GOLGA3: variants seen among roughly 807,000 people sequenced by gnomAD.
GOLGA3 encodes golgin subfamily A member 3.
Under a neutral mutation model 169.4 loss-of-function variants are expected in GOLGA3, and 75 were observed. That is an observed-to-expected ratio of 0.44 (90% CI 0.37 to 0.54). The LOEUF is 0.54. Ranked by LOEUF, GOLGA3 falls within the 20% of genes least tolerant of loss-of-function variation. GOLGA3 has a pLI of 0.00. For missense variants in GOLGA3, 1,899 were observed against 1,930.0 expected (o/e 0.98, Z 0.30); for synonymous variants, 824 against 822.4 (o/e 1.00, Z -0.03).
intron 10 of GOLGA3, 91 bp downstream of exon 10, chr12:132,796,448 G>A (rs1211691151): frequency 2.5e-5 from 35 of 1,420,342 alleles, no homozygotes; most frequent in Non-Finnish European, 3.1e-5. Context: ...TGGCCCCACA[G>A]CAGAGGACTG....
At position 132,770,774 on chromosome 12, in the gene GOLGA3, A is replaced by G. The variant is rs927601822; in HGVS notation, c.*2331T>C. On this transcript the variant is annotated 3_prime_UTR_variant, in exon 24 of 24. Coordinates refer to ENST00000450791, the MANE Select transcript of GOLGA3 (RefSeq NM_001389683.1). The stretch of plus-strand genomic sequence containing the variant: ...CTCAGCCTCCCAAGTAGCTGGGATT[A>G]TAGGTGCGCACTACGACACCCGGCT... 6.6e-6 allele frequency: 1 copy of G among 152,220 alleles called. No individual in the cohort carries two copies. Among genetic ancestry groups the G allele is most frequent in the South Asian group, 2.1e-4 (1 of 4,830 alleles). 9.4% of individuals were successfully genotyped at this position (152,220 alleles called of 1,614,324 possible). A position where few individuals can be genotyped will look rare whatever the true frequency, so the allele number is the denominator to read the frequency against.
At chr12:132,823,227 A>C (rs1043792567) in intron 1 of GOLGA3, among the ~76,000 whole-genome samples, 1 of 152,224 alleles carries the variant, frequency 6.6e-6, no homozygotes, top group Non-Finnish European at 1.5e-5. Flanking sequence ...GCCGGGCTAC[A>C]TTCAGGGGAG....
At chr12:132,774,613 C>T (rs906517293) in intron 22 of GOLGA3, 3 of 481,698 alleles carry the variant, frequency 6.2e-6, no homozygotes, top group African/African-American at 6.0e-5. Context: ...CTCCCAGACG[C>T]TTCTCCCATC....
chr12:132,794,521 C>T (rs777453428), intron 11 of GOLGA3, among the ~76,000 whole-genome samples: 62 of 152,158 alleles, frequency 4.1e-4, no homozygotes, highest in Non-Finnish European at 2.9e-5. Context: ...CTGCTACCAC[C>T]ACCTTCATCT....
At chr12:132,786,618 T>G (rs370057545) in intron 14 of GOLGA3, 63 bp from the exon 15 acceptor site, 17 of 1,589,934 alleles carry the variant, frequency 1.1e-5, no homozygotes, top group Non-Finnish European at 1.1e-5. Context: ...CGTCTGGCAT[T>G]CTGGTTCGCC....
intron 14 of GOLGA3, 66 bp from the exon 15 acceptor site, chr12:132,786,621 G>C: frequency 6.3e-7 from 1 of 1,581,098 alleles, no homozygotes; most frequent in Non-Finnish European, 8.7e-7. Context: ...CTGGCATTCT[G>C]GTTCGCCTCC....
intron 2 of GOLGA3, among the ~76,000 whole-genome samples, chr12:132,818,911 C>A (rs902039428): frequency 2.0e-5 from 3 of 152,250 alleles, no homozygotes; most frequent in African/African-American, 7.2e-5. Context: ...TACCTCAGTT[C>A]ACCCACTAAA....
At chr12:132,817,012 C>A (rs375364808) in intron 2 of GOLGA3, among the ~76,000 whole-genome samples, 200 bp from the exon 3 acceptor site, 1 of 152,094 alleles carries the variant, frequency 6.6e-6, no homozygotes, top group Non-Finnish European at 1.5e-5. Context: ...AGGCCCACAG[C>A]CCCTCTGGTG....
At chr12:132,814,188 C>T (rs1044147659) in intron 3 of GOLGA3, among the ~76,000 whole-genome samples, 4 of 151,724 alleles carry the variant, frequency 2.6e-5, no homozygotes, top group South Asian at 2.1e-4. Context: ...CGACCCCTGA[C>T]GACTTTGGTA....
chr12:132,796,509 G>A (rs757173010), intron 10 of GOLGA3, 30 bp downstream of exon 10: 2 of 1,593,574 alleles, frequency 1.3e-6, no homozygotes, highest in Non-Finnish European at 1.7e-6. Context: ...CTGGGGCCTG[G>A]GTCCAGCCTG....
chr12:132,778,653 T>C (rs2045378496), intron 18 of GOLGA3, among the ~76,000 whole-genome samples: 1 of 151,470 alleles, frequency 6.6e-6, no homozygotes, highest in Non-Finnish European at 1.5e-5. Context: ...ATAAAATTAA[T>C]TGGAAGGCCA....
In GOLGA3 at chr12:132,791,253, T is replaced by G; in HGVS notation, c.2510A>C (p.Gln837Pro). ...AAACTGTTCCTTTATTTTTTGCATT[T>G]GCTTTTTCAGAGCAGCAGTCTCCTG... ...LQQETAALKK[Q>P]MQKIKEQFLQ... is the part of the protein sequence containing the mutation. The change falls in exon 12 of 24, where the codon CAA becomes CCA. Residue 837 changes from glutamine (Q) to proline (P), a missense_variant. By Grantham distance (76) the Gln-to-Pro change is moderately conservative (BLOSUM62 -1). Coordinates refer to ENST00000450791, the MANE Select transcript of GOLGA3 (RefSeq NM_001389683.1). 2 of 1,609,798 alleles carry G rather than the reference T, an allele frequency of 1.2e-6. No individual in the cohort carries two copies. Among genetic ancestry groups the G allele is most frequent in the Non-Finnish European group, 1.7e-6 (2 of 1,176,880 alleles).
Position 132,823,425 on chromosome 12 carries a change from T to G in GOLGA3, c.-183-1114A>C, listed in dbSNP as rs188094546. ...TACATTATGTTCTGTGTTTAACATT[T>G]TTCATGAGAAACATTACACAACCTT... On this transcript the variant is annotated intron_variant, in intron 1 of 23. Transcript: ENST00000450791. Among the ~76,000 whole-genome samples the G allele has an allele frequency of 1.5e-4, 23 of 152,364 alleles. 1 individual carries two copies. The East Asian group carries it at 4.4e-3, about 29-fold the overall frequency.
At chr12:132,786,642 C>T in intron 14 of GOLGA3, 51 bp downstream of exon 14, 1 of 1,062,378 alleles carries the variant, frequency 9.4e-7, no homozygotes, top group Non-Finnish European at 1.3e-6. Flanking sequence ...CCCCCGGCCC[C>T]CGCACCTCCC....
intron 17 of GOLGA3, among the ~76,000 whole-genome samples, chr12:132,781,322 G>A (rs560591675): frequency 6.6e-6 from 1 of 152,164 alleles, no homozygotes; most frequent in East Asian, 1.9e-4. Context: ...AGCACTTTGG[G>A]AGGCCGAGGC....
chr12:132,787,448 C>A (rs1270288560), intron 13 of GOLGA3, among the ~76,000 whole-genome samples: 1 of 149,078 alleles, frequency 6.7e-6, no homozygotes, highest in Non-Finnish European at 1.5e-5. Context: ...AGGATCCAGA[C>A]CCCTCCTAGG....
chr12:132,812,273 G>A (rs116767525), intron 4 of GOLGA3, among the ~76,000 whole-genome samples: 355 of 151,758 alleles, frequency 2.3e-3, no homozygotes, highest in African/African-American at 7.8e-3. Context: ...TCACCTAAGA[G>A]CTCTGATGGG....
chr12:132,816,270 G>C (rs1334912990), intron 3 of GOLGA3, among the ~76,000 whole-genome samples: 3 of 152,218 alleles, frequency 2.0e-5, no homozygotes, highest in Non-Finnish European at 2.9e-5. Context: ...CAAGCACCTG[G>C]GTGACACAGG....
At chr12:132,819,497 CCA>C (rs1421484782) in intron 2 of GOLGA3, among the ~76,000 whole-genome samples, 1 of 152,186 alleles carries the variant, frequency 6.6e-6, no homozygotes, top group Non-Finnish European at 1.5e-5. Flanking sequence ...CCACTGCACT[CCA>C]GTCTGGGCAA....
Sources: allele counts gnomAD v4.1 joint callset (sites outside exome capture counted in the v4.1 genomes callset), GRCh38; gene constraint gnomAD v4.1.1; transcripts MANE v1.5; gene names NCBI Gene and HGNC (gene_info 2026-07-23, HGNC 2026-07-21).